DSCAM: variants seen among roughly 807,000 people sequenced by gnomAD.
DSCAM encodes cell adhesion molecule DSCAM.
Under a neutral mutation model 217.7 loss-of-function variants are expected in DSCAM, and 47 were observed. That is an observed-to-expected ratio of 0.22 (90% confidence interval 0.17 to 0.28). The LOEUF is 0.28. Among genes scored for constraint, DSCAM ranks in the 10% least tolerant of loss-of-function variants. The probability of loss-of-function intolerance (pLI) is 1.00; values close to 1 mark genes in which losing one functional copy is unlikely to be tolerated. For synonymous variants in DSCAM, 1,056 were observed against 1,015.3 expected (o/e 1.04, Z -0.76); for missense variants, 2,080 against 2,618.3 (o/e 0.79, Z 4.49).
intron 3 of DSCAM, among the ~76,000 whole-genome samples, chr21:40,454,341 A>G (rs2075746166): frequency 6.6e-6 from 1 of 152,330 alleles, no homozygotes; most frequent in Non-Finnish European, 1.5e-5. Flanking sequence ...TGTGAAATGA[A>G]GATTACAATG....
chr21:40,511,162 T>A (rs77020223), intron 3 of DSCAM, among the ~76,000 whole-genome samples: 2,613 of 152,320 alleles, frequency 0.017, 60 homozygotes, highest in African/African-American at 0.04. Context: ...TGTTGCTTTA[T>A]AGTTCATAAA....
chr21:40,690,488 T>A (rs2090527336), intron 3 of DSCAM, among the ~76,000 whole-genome samples: 1 of 152,238 alleles, frequency 6.6e-6, no homozygotes, highest in African/African-American at 2.4e-5. Context: ...CTGTGTTGTA[T>A]TTATTTTCTA....
chr21:40,620,104 GA>G (rs1207344561), intron 3 of DSCAM, among the ~76,000 whole-genome samples: 3 of 58,258 alleles, frequency 5.1e-5, no homozygotes, highest in East Asian at 5.7e-4. Context: ...GAAAGAGAGA[GA>G]AAAAAGAAAA....
chr21:40,039,906 CTA>C (rs1456006949), intron 32 of DSCAM, among the ~76,000 whole-genome samples: 2 of 152,254 alleles, frequency 1.3e-5, no homozygotes, highest in South Asian at 2.1e-4. Context: ...ATTTGGAAGA[CTA>C]TAAACAGAAA....
intron 1 of DSCAM, among the ~76,000 whole-genome samples, chr21:40,739,434 A>G (rs1196864372): frequency 6.6e-6 from 1 of 152,212 alleles, no homozygotes; most frequent in Non-Finnish European, 1.5e-5. Flanking sequence ...TTTAGTTCTC[A>G]CAGTCCTAGA....
chr21:40,347,773 G>C lies in DSCAM; in HGVS notation c.1107C>G (p.Asn369Lys). ...TTTTGACCATGTGATCCATTATAAG[G>C]TTTTCGTGGTTGATCCCTGTGATCC... is the stretch of plus-strand genomic sequence containing the variant. ...NVRITGINHE[N>K]LIMDHMVKSD... Residue 369 changes from asparagine to lysine, a missense_variant, in exon 6 of 33, where the codon AAC (asparagine) becomes AAG (lysine). Coordinates refer to ENST00000400454, the MANE Select transcript of DSCAM (RefSeq NM_001389.5). 1 of 1,614,144 alleles carries C rather than the reference G, an allele frequency of 6.2e-7. No homozygotes were observed. Among genetic ancestry groups the C allele is most frequent in the Non-Finnish European group, 8.5e-7 (1 of 1,180,012 alleles).
At chr21:40,083,655 TTTTC>T (rs1192423128) in intron 24 of DSCAM, among the ~76,000 whole-genome samples, 2 of 152,224 alleles carry the variant, frequency 1.3e-5, no homozygotes, top group Non-Finnish European at 2.9e-5. Flanking sequence ...CAAATTTCTT[TTTTC>T]TTTCTTTCTT....
intron 8 of DSCAM, among the ~76,000 whole-genome samples, chr21:40,329,159 T>C (rs112484070): frequency 1.4e-4 from 21 of 152,318 alleles, no homozygotes; most frequent in African/African-American, 4.3e-4. Flanking sequence ...ATCCCATTAC[T>C]GGGTATACAT....
intron 11 of DSCAM, among the ~76,000 whole-genome samples, chr21:40,263,846 T>C (rs1228330992): frequency 1.3e-5 from 2 of 151,944 alleles, no homozygotes; most frequent in Admixed American, 6.6e-5. Flanking sequence ...TCAGATAAGT[T>C]CAATTGGAAA....
intron 15 of DSCAM, among the ~76,000 whole-genome samples, chr21:40,176,667 C>T (rs2090735715): frequency 6.6e-6 from 1 of 152,222 alleles, no homozygotes; most frequent in African/African-American, 2.4e-5. Flanking sequence ...TTTCTAGAAC[C>T]TGCTCCTTTC....
chr21:40,388,528 T>A (rs1471552991), intron 3 of DSCAM, among the ~76,000 whole-genome samples: 2 of 152,166 alleles, frequency 1.3e-5, no homozygotes, highest in Non-Finnish European at 2.9e-5. Context: ...GGCAGGCATC[T>A]CTTTACTGTT....
rs1171634227 is a variant in DSCAM at position 40,016,789 on chromosome 21, C to T, written c.5687-3403G>A. Among the ~76,000 whole-genome samples the T allele has an allele frequency of 6.6e-6, 1 of 152,146 alleles. No individual in the cohort carries two copies. The highest frequency in any genetic ancestry group is 2.4e-5 in the African/African-American group (1 of 41,424). ...ACCTTAGGAAACACCTTCAAGTTTACCCACAGAAAAAGAACAACCAGCATA... is the reference window on the plus strand; with the variant it reads ...ACCTTAGGAAACACCTTCAAGTTTATCCACAGAAAAAGAACAACCAGCATA... On this transcript the variant is annotated intron_variant, in intron 32 of 32. Coordinates refer to ENST00000400454, the MANE Select transcript of DSCAM (RefSeq NM_001389.5). The surrounding 1 kb of genome is among the most constrained non-coding windows in gnomAD (Gnocchi z 4.3).
chr21:40,415,597 T>C (rs888201733), intron 3 of DSCAM, among the ~76,000 whole-genome samples: 5 of 152,240 alleles, frequency 3.3e-5, no homozygotes, highest in Non-Finnish European at 7.3e-5. Flanking sequence ...ACAAAAGAAC[T>C]GGCCTAGGCC....
chr21:40,656,778 C>A (rs556972350), intron 3 of DSCAM, among the ~76,000 whole-genome samples: 1 of 151,996 alleles, frequency 6.6e-6, no homozygotes, highest in Non-Finnish European at 1.5e-5. Flanking sequence ...AGGCCAATGG[C>A]GAGGAAAGCA....
chr21:40,193,115 A>T (rs1193145514), intron 11 of DSCAM, among the ~76,000 whole-genome samples: 1 of 152,210 alleles, frequency 6.6e-6, no homozygotes, highest in Non-Finnish European at 1.5e-5. Flanking sequence ...GAACAAGAAC[A>T]TTCCCTTTCA....
At chr21:40,343,057 T>C (rs1391489953) in intron 6 of DSCAM, among the ~76,000 whole-genome samples, 1 of 152,174 alleles carries the variant, frequency 6.6e-6, no homozygotes, top group Admixed American at 6.6e-5. Flanking sequence ...TATTCCTATC[T>C]TATGTTTTAT....
intron 11 of DSCAM, among the ~76,000 whole-genome samples, chr21:40,219,112 T>C (rs1372814645): frequency 2.0e-5 from 3 of 152,208 alleles, no homozygotes; most frequent in East Asian, 1.9e-4. Flanking sequence ...GGCTGTGGGT[T>C]TGTCATATAT....
intron 3 of DSCAM, among the ~76,000 whole-genome samples, chr21:40,558,961 G>A (rs1050384647): frequency 7.9e-5 from 12 of 152,178 alleles, no homozygotes; most frequent in Admixed American, 2.6e-4. Context: ...AACAGTGCCC[G>A]ATTAAAGGAC....
intron 17 of DSCAM, among the ~76,000 whole-genome samples, chr21:40,143,352 T>C (rs951483557): frequency 2.0e-4 from 30 of 152,172 alleles, no homozygotes; most frequent in African/African-American, 6.3e-4. Flanking sequence ...AAAATGAGCA[T>C]TGAAGCAAAA....
Sources: allele counts gnomAD v4.1 joint callset (sites outside exome capture counted in the v4.1 genomes callset), GRCh38; gene constraint gnomAD v4.1.1; non-coding constraint Gnocchi (gnomAD v3.1); transcripts MANE v1.5; gene names NCBI Gene and HGNC (gene_info 2026-07-23, HGNC 2026-07-21).